Variants in LIG4 observed in about 807,000 individuals in gnomAD.
LIG4 encodes the protein DNA ligase 4, also known as DNA joinase.
Under a neutral mutation model 19.0 loss-of-function variants are expected in LIG4, and 13 were observed. The observed-to-expected ratio is 0.68, with a 90% CI of 0.44 to 1.09. The LOEUF is 1.09. Ranked by LOEUF, LIG4 falls within the 50% of genes least tolerant of loss-of-function variation. The probability of loss-of-function intolerance (pLI) is 0.00; values close to 1 mark genes in which losing one functional copy is unlikely to be tolerated. For synonymous variants in LIG4, 361 were observed against 358.2 expected, an observed-to-expected ratio of 1.01 and a Z score of -0.09; for missense variants, 1,026 against 1,089.7, an observed-to-expected ratio of 0.94 and a Z score of 0.82.
In LIG4 at chr13:108,209,329, G is replaced by C; in HGVS notation, c.1940C>G (p.Pro647Arg). The C allele has an allele frequency of 6.2e-7, 1 of 1,614,020 alleles. No homozygotes were observed. The highest frequency in any genetic ancestry group is 8.5e-7 in the Non-Finnish European group (1 of 1,179,934). The part of the protein sequence containing the change: ...VIGIIEHLKA[P>R]NLTNVNKISN... ...AATTTTGTTAACGTTAGTAAGGTTA[G>C]GTGCTTTTAAGTGCTCAATAATTCC... The change falls in exon 3 of 3, where the codon CCT (proline) becomes CGT (arginine). Residue 647 changes from proline (P) to arginine (R), a missense_variant. Physicochemically the swap from Pro to Arg is moderately radical, Grantham distance 103 (BLOSUM62 -2). Coordinates refer to ENST00000442234, the MANE Select transcript of LIG4 (RefSeq NM_206937.2).
chr13:108,210,963 A>G lies in LIG4; in HGVS notation c.306T>C (p.Asp102=), dbSNP rs2138980392. Residue 102 remains aspartate (D), a synonymous_variant, in exon 3 of 3, where the codon GAT becomes GAC. Transcript: ENST00000442234. The part of the protein sequence containing the change: ...LYIELLNLPR[D]GKDALKLLNY... ...TTAAAAGTTTGAGGGCATCTTTTCC[A>G]TCTCTAGGTAAATTAAGCAACTCAA... 7 of 1,613,222 alleles carry G rather than the reference A, an allele frequency of 4.3e-6. No homozygotes were observed. Among genetic ancestry groups the G allele is most frequent in the Non-Finnish European group, 4.2e-6 (5 of 1,179,798 alleles).
intron 2 of LIG4, among the ~76,000 whole-genome samples, chr13:108,211,996 C>CT (rs1878710346): frequency 6.6e-6 from 1 of 152,094 alleles, no homozygotes; most frequent in South Asian, 2.1e-4. Context: ...AAAATCCTCA[C>CT]TTTATCTATT....
upstream of LIG4, among the ~76,000 whole-genome samples, chr13:108,217,803 T>C (rs888183948): frequency 7.2e-5 from 11 of 151,828 alleles, no homozygotes; most frequent in African/African-American, 2.4e-4. Flanking sequence ...CACACATCTG[T>C]AAACAAGTGT....
chr13:108,217,021 G>A (rs938417361), upstream of LIG4, among the ~76,000 whole-genome samples: 20 of 152,218 alleles, frequency 1.3e-4, no homozygotes, highest in Admixed American at 6.5e-4. Flanking sequence ...AGGAAGCTAT[G>A]ATTCAAGAAC....
intron 2 of LIG4, among the ~76,000 whole-genome samples, chr13:108,213,700 CT>C (rs1878907496): frequency 6.6e-6 from 1 of 152,152 alleles, no homozygotes. Context: ...AGGTTTTAGA[CT>C]CTAATAAATC....
Position 108,210,789 on chromosome 13 carries a change from A to T in LIG4, c.480T>A (p.Ser160=), listed in dbSNP as rs1878572612. 11 of 1,614,030 alleles carry T rather than the reference A, an allele frequency of 6.8e-6. No homozygotes were observed. The highest frequency in any genetic ancestry group is 8.5e-6 in the Non-Finnish European group (10 of 1,179,960). Residue 160 remains serine (S), a synonymous_variant, in exon 3 of 3, where the codon TCT becomes TCA. Coordinates refer to ENST00000442234, the MANE Select transcript of LIG4 (RefSeq NM_206937.2). The part of the protein sequence containing the change: ...DLLDSIASNN[S]AKRKDLIKKS... ...TTTTTATTAGGTCTTTTCTTTTAGCAGAATTATTGCTGGCAATTGAGTCTA... is the reference window on the plus strand; with the variant it reads ...TTTTTATTAGGTCTTTTCTTTTAGCTGAATTATTGCTGGCAATTGAGTCTA...
At position 108,213,223 on chromosome 13, in the gene LIG4, C is replaced by T. The variant is rs147640309; in HGVS notation, c.-29+1315G>A. On this transcript the variant is annotated intron_variant, in intron 2 of 2. Transcript: ENST00000442234. Reference sequence around the variant, plus strand: ...AACACCTGGTTATGTATGTTCACTGCCCTATCTCCCAAAATTTGCTCCCTC... The same window carrying T: ...AACACCTGGTTATGTATGTTCACTGTCCTATCTCCCAAAATTTGCTCCCTC... Among the ~76,000 whole-genome samples, 454 of 152,190 alleles carry T rather than the reference C, an allele frequency of 3.0e-3. 1 individual carries two copies. The highest frequency in any genetic ancestry group is 0.011 in the African/African-American group (441 of 41,470).
Position 108,208,589 on chromosome 13 carries a change from C to A in LIG4, c.2680G>T (p.Val894Leu), listed in dbSNP as rs983917564. Residue 894 changes from valine to leucine, a missense_variant, in exon 3 of 3, where the codon GTA becomes TTA. Physicochemically the swap from Val to Leu is conservative, Grantham distance 32. Around this residue, in one of 3 missense-constraint regions of LIG4, gnomAD observed 521 missense variants for 515.5 expected, o/e 1.01. Coordinates refer to ENST00000442234, the MANE Select transcript of LIG4 (RefSeq NM_206937.2). The part of the protein sequence containing the change: ...RKFKILKESW[V>L]TDSIDKCELQ... ...TCACACTTGTCTATTGAATCAGTTA[C>A]CCAACTTTCTTTTAGGATTTTAAAC... 1.2e-6 allele frequency: 2 copies of A among 1,612,942 alleles called. No homozygotes were observed. The highest frequency in any genetic ancestry group is 4.5e-5 in the East Asian group (2 of 44,882).
intron 2 of LIG4, among the ~76,000 whole-genome samples, chr13:108,211,830 G>T (rs1287553744): frequency 2.0e-5 from 3 of 152,144 alleles, no homozygotes; most frequent in Middle Eastern, 3.4e-3. Flanking sequence ...CTAATCATAG[G>T]CAGGGCCCTT....
Position 108,208,533 on chromosome 13 carries a change from T to C in LIG4, c.2736A>G (p.Ter912=), listed in dbSNP as rs766679114. The C allele has an allele frequency of 3.1e-6, 5 of 1,600,490 alleles. 1 individual carries two copies. In the South Asian group the frequency reaches 5.5e-5, roughly 18 times the overall value. ...ELQEENQYLI[*] ...GCTTTCCTCACTAGGAAACCTAGCT[T>C]TAAATCAAATACTGGTTTTCTTCTT... The change falls in exon 3 of 3, where the codon TAA becomes TAG. Residue 912 remains the stop codon, a stop_retained_variant. Coordinates refer to ENST00000442234, the MANE Select transcript of LIG4 (RefSeq NM_206937.2).
Position 108,209,636 on chromosome 13 carries a change from G to A in LIG4, c.1633C>T (p.Pro545Ser), listed in dbSNP as rs1267842069. The change falls in exon 3 of 3, where the codon CCA becomes TCA. Residue 545 changes from proline (P) to serine (S), a missense_variant. Transcript: ENST00000442234. ...TTACAAGGTTCAATGTATACTTCTG[G>A]CTTCTCTGTTCCACATAAAATGCTG... Reference protein sequence around the residue: ...PSSILCGTEKPEVYIEPCNSV... With the variant: ...PSSILCGTEKSEVYIEPCNSV... The A allele has an allele frequency of 6.2e-7, 1 of 1,614,086 alleles. No individual in the cohort carries two copies. The highest frequency in any genetic ancestry group is 1.7e-5 in the Admixed American group (1 of 60,014).
In LIG4 at chr13:108,210,447, T is replaced by C. The variant is rs1294448984; in HGVS notation, c.822A>G (p.Leu274=). The C allele has an allele frequency of 6.2e-7, 1 of 1,613,446 alleles. No individual in the cohort carries two copies. Among genetic ancestry groups the C allele is most frequent in the Admixed American group, 1.7e-5 (1 of 60,022 alleles). Residue 274 remains leucine, a synonymous_variant, in exon 3 of 3, where the codon CTA becomes CTG. Coordinates refer to ENST00000442234, the MANE Select transcript of LIG4 (RefSeq NM_206937.2). The part of the protein sequence containing the change: ...KHQSFYIETK[L]DGERMQMHKD... ...TGTGCATTTGCATACGTTCACCATCTAGCTTGGTTTCTATGTAGAAACTCT... is the reference window on the plus strand; with the variant it reads ...TGTGCATTTGCATACGTTCACCATCCAGCTTGGTTTCTATGTAGAAACTCT...
chr13:108,214,436 CT>C (rs1376189399), intron 2 of LIG4, 101 bp downstream of exon 2: 1 of 152,202 alleles, frequency 6.6e-6, no homozygotes, highest in Non-Finnish European at 1.5e-5. Context: ...CCAATGCCCC[CT>C]GTACCCTCTC....
Position 108,211,250 on chromosome 13 carries a change from A to C in LIG4, c.19T>G (p.Ser7Ala). 1 of 1,612,488 alleles carries C rather than the reference A, an allele frequency of 6.2e-7. No homozygotes were observed. Among genetic ancestry groups the C allele is most frequent in the African/African-American group, 1.3e-5 (1 of 75,056 alleles). Reference protein sequence around the residue: MAASQTSQTVASHVPFA... With the variant: MAASQTAQTVASHVPFA... ...GGAACGTGAGATGCAACAGTTTGTG[A>C]AGTTTGTGAGGCAGCCATCAAAGCG... The change falls in exon 3 of 3, where the codon TCA becomes GCA. Residue 7 changes from serine (S) to alanine (A), a missense_variant. Physicochemically the swap from Ser to Ala is moderately conservative, Grantham distance 99. Transcript: ENST00000442234.
chr13:108,215,956 A>T (rs752265894), upstream of LIG4, among the ~76,000 whole-genome samples: 1 of 152,142 alleles, frequency 6.6e-6, no homozygotes, highest in Non-Finnish European at 1.5e-5. Context: ...CTTTTAAAAA[A>T]TAGGCTTTTG....
rs751782058 is a variant in LIG4 at position 108,208,985 on chromosome 13, C to T, written c.2284G>A (p.Gly762Ser). The T allele has an allele frequency of 3.3e-5, 54 of 1,613,984 alleles. No individual in the cohort carries two copies. The highest frequency in any genetic ancestry group is 6.7e-5 in the Admixed American group (4 of 60,004). ...EHFAREYDCY[G>S]DSYFIDTDLN... ...TCTGTATCAATGAAATAACTATCAC[C>T]ATAGCAATCATATTCACGGGCAAAA... Residue 762 changes from glycine (G) to serine (S), a missense_variant, in exon 3 of 3, where the codon GGT becomes AGT. Around this residue, in one of 3 missense-constraint regions of LIG4, gnomAD observed 521 missense variants for 515.5 expected, o/e 1.01. Transcript: ENST00000442234.
Position 108,211,119 on chromosome 13 carries a change from A to G in LIG4, c.150T>C (p.His50=). 6.2e-7 allele frequency: 1 copy of G among 1,611,728 alleles called. No homozygotes were observed. The highest frequency in any genetic ancestry group is 8.5e-7 in the Non-Finnish European group (1 of 1,178,244). The change falls in exon 3 of 3, where the codon CAT becomes CAC. Residue 50 remains histidine (H), a synonymous_variant. Transcript: ENST00000442234. ...REFLDSWRKF[H]DALHKNHKDV... The stretch of plus-strand genomic sequence containing the variant: ...CTTTGTGGTTCTTATGAAGAGCATC[A>G]TGAAATTTTCTCCAAGAATCTAAAA...
chr13:108,215,599 G>C (rs1445686179), upstream of LIG4: 1 of 151,160 alleles, frequency 6.6e-6, no homozygotes, highest in Non-Finnish European at 1.5e-5. Context: ...GCAGTCACCG[G>C]GCTCAAGCAC....
chr13:108,213,348 G>A (rs1878861595), intron 2 of LIG4, among the ~76,000 whole-genome samples: 1 of 152,194 alleles, frequency 6.6e-6, no homozygotes, highest in South Asian at 2.1e-4. Flanking sequence ...TTCAAATATT[G>A]GTATATAGTT....
Sources: allele counts gnomAD v4.1 joint callset (sites outside exome capture counted in the v4.1 genomes callset), GRCh38; gene constraint gnomAD v4.1.1; regional missense constraint gnomAD v4.1.1; transcripts MANE v1.5; gene names NCBI Gene and HGNC (gene_info 2026-07-23, HGNC 2026-07-21).